The following JADE3 variants were observed in gnomAD, a reference collection of about 807,000 sequenced individuals.
The protein encoded by JADE3 is jade family PHD finger 3.
In JADE3, 2 loss-of-function variants were observed where a neutral mutation model predicts 50.1. That is an observed-to-expected ratio of 0.04 (90% CI 0.02 to 0.13). The LOEUF (loss-of-function observed/expected upper bound fraction) is 0.13. Among genes scored for constraint, JADE3 ranks in the 10% least tolerant of loss-of-function variants. The probability of loss-of-function intolerance (pLI) is 1.00; values close to 1 mark genes in which losing one functional copy is unlikely to be tolerated. For missense variants in JADE3, 475 were observed against 634.4 expected (o/e 0.75, Z 2.70); for synonymous variants, 218 against 232.9 (o/e 0.94, Z 0.58).
Position 47,038,023 on chromosome X carries a change from A to C in JADE3, c.856-926A>C, listed in dbSNP as rs185798964. ...TCAGTTGTTTTTATTTTTAGATCCCACAAATAAATGAGAACATGCAATGTG... is the reference window on the plus strand; with the variant it reads ...TCAGTTGTTTTTATTTTTAGATCCCCCAAATAAATGAGAACATGCAATGTG... On this transcript the variant is annotated intron_variant, in intron 7 of 10. Transcript: ENST00000614628. Among the ~76,000 whole-genome samples, 803 of 111,054 alleles carry C rather than the reference A, an allele frequency of 7.2e-3. 9 individuals carry two copies. Among genetic ancestry groups the C allele is most frequent in the Middle Eastern group, 0.014 (3 of 217 alleles).
intron 1 of JADE3, among the ~76,000 whole-genome samples, chrX:46,933,407 A>G: frequency 8.9e-6 from 1 of 112,739 alleles, no homozygotes; most frequent in Non-Finnish European, 1.9e-5. Flanking sequence ...AGACCACTGA[A>G]TATTAAACAC....
At chrX:46,941,177 G>A (rs1456678771) in intron 1 of JADE3, among the ~76,000 whole-genome samples, 1 of 110,452 alleles carries the variant, frequency 9.1e-6, no homozygotes, top group Non-Finnish European at 1.9e-5. Flanking sequence ...TGCGGTATTT[G>A]GTTTTCTGTA....
intron 1 of JADE3, among the ~76,000 whole-genome samples, chrX:46,960,411 T>C (rs1297072604): frequency 8.9e-6 from 1 of 112,066 alleles, no homozygotes; most frequent in Non-Finnish European, 1.9e-5. Context: ...ATATGGTTTA[T>C]GCTGAATACC....
intron 1 of JADE3, among the ~76,000 whole-genome samples, chrX:46,927,686 C>T (rs1926400193): frequency 8.9e-6 from 1 of 112,314 alleles, no homozygotes; most frequent in African/African-American, 3.2e-5. Flanking sequence ...TGGGAGCCAC[C>T]ACCTGGCTTA....
chrX:47,037,807 A>G (rs946487051), intron 7 of JADE3, among the ~76,000 whole-genome samples: 14 of 111,651 alleles, frequency 1.3e-4, no homozygotes, highest in African/African-American at 4.6e-4. Flanking sequence ...TCTTGTAGTT[A>G]TTTTTATATG....
At chrX:46,928,994 A>C (rs782795623) in intron 1 of JADE3, among the ~76,000 whole-genome samples, 2 of 112,123 alleles carry the variant, frequency 1.8e-5, no homozygotes, top group African/African-American at 6.5e-5. Context: ...GCAGATTGTC[A>C]AAACTGCTGC....
chrX:46,996,271 G>A (rs1928127818), intron 3 of JADE3, among the ~76,000 whole-genome samples: 1 of 111,928 alleles, frequency 8.9e-6, no homozygotes, highest in Non-Finnish European at 1.9e-5. Context: ...TCCTGACCTC[G>A]TGATCCACCC....
chrX:46,980,150 G>C (rs1438457030), intron 1 of JADE3, among the ~76,000 whole-genome samples: 2 of 110,392 alleles, frequency 1.8e-5, no homozygotes, highest in African/African-American at 6.6e-5. Flanking sequence ...AAAGTGCTGG[G>C]ATTACAGGTG....
intron 7 of JADE3, among the ~76,000 whole-genome samples, chrX:47,035,246 G>C (rs1283506336): frequency 9.0e-6 from 1 of 111,287 alleles, no homozygotes; most frequent in Non-Finnish European, 1.9e-5. Flanking sequence ...CATTATATCA[G>C]TAACTCATTC....
chrX:46,939,053 C>T (rs1556341765), intron 1 of JADE3, among the ~76,000 whole-genome samples: 1 of 112,172 alleles, frequency 8.9e-6, no homozygotes, highest in African/African-American at 3.2e-5. Flanking sequence ...TCTCAAACTC[C>T]TGACCTCAAG....
chrX:47,036,402 G>T (rs1351982930), intron 7 of JADE3, among the ~76,000 whole-genome samples: 4 of 109,433 alleles, frequency 3.7e-5, no homozygotes, highest in African/African-American at 1.0e-4. Context: ...TCAAAACCAC[G>T]ATGAGATACC....
intron 3 of JADE3, among the ~76,000 whole-genome samples, chrX:46,986,306 T>G (rs1245388996): frequency 4.4e-5 from 5 of 112,724 alleles, no homozygotes; most frequent in Middle Eastern, 4.6e-3. Context: ...TCTGAAGATG[T>G]GAAGAATAAA....
intron 7 of JADE3, among the ~76,000 whole-genome samples, chrX:47,038,240 A>G: frequency 8.9e-6 from 1 of 111,808 alleles, no homozygotes; most frequent in South Asian, 3.7e-4. Context: ...TATCGTGAAC[A>G]TTGCTGCAAA....
At chrX:46,916,548 T>G (rs1926089537) in intron 1 of JADE3, among the ~76,000 whole-genome samples, 1 of 111,942 alleles carries the variant, frequency 8.9e-6, no homozygotes, top group Non-Finnish European at 1.9e-5. Flanking sequence ...CATTATCGAT[T>G]GTAAAAGTGG....
At chrX:46,954,675 C>T (rs1233172497) in intron 1 of JADE3, among the ~76,000 whole-genome samples, 1 of 111,502 alleles carries the variant, frequency 9.0e-6, no homozygotes, top group African/African-American at 3.3e-5. Flanking sequence ...CTACCTCAGC[C>T]TCCTGAGTAG....
chrX:46,917,822 AC>A, intron 1 of JADE3, among the ~76,000 whole-genome samples: 1 of 22,291 alleles, frequency 4.5e-5, no homozygotes, highest in South Asian at 4.0e-3. Context: ...TCTCTCTCTC[AC>A]TCTCTCTCAT....
chrX:46,998,682 A>ATTTG (rs781855188), intron 4 of JADE3, among the ~76,000 whole-genome samples: 81 of 109,624 alleles, frequency 7.4e-4, no homozygotes, highest in African/African-American at 2.1e-3. Flanking sequence ...TTATTTATTT[A>ATTTG]TTTGTTTGTT....
chrX:47,039,404 T>A (rs954857473), intron 8 of JADE3, among the ~76,000 whole-genome samples: 6 of 109,063 alleles, frequency 5.5e-5, no homozygotes, highest in Non-Finnish European at 1.1e-4. Flanking sequence ...TTTTTTTTTT[T>A]AATTTCAACT....
chrX:46,917,834 C>CCTCTCT lies in JADE3; in HGVS notation c.-12+5131_-12+5136dup, dbSNP rs572734511. On this transcript the variant is annotated intron_variant, in intron 1 of 10. Coordinates refer to ENST00000614628, the MANE Select transcript of JADE3 (RefSeq NM_014735.5). ...CTCTCTCTCTCTCACTCTCTCTCAT[C>CCTCTCT]CTCTCTCTCTCTCTCTCTCTCATCC... is the stretch of plus-strand genomic sequence containing the variant. Among the ~76,000 whole-genome samples, 38 of 42,553 alleles carry CCTCTCT rather than the reference C, an allele frequency of 8.9e-4. 3 individuals carry two copies. The highest frequency in any genetic ancestry group is 5.5e-3 in the East Asian group (8 of 1,463). The allele number at this position is 42,553 out of a possible 115,157, so 37.0% of individuals were successfully genotyped here. A position where few individuals can be genotyped will look rare whatever the true frequency, so the allele number is the denominator to read the frequency against.
Sources: allele counts gnomAD v4.1 joint callset (sites outside exome capture counted in the v4.1 genomes callset), GRCh38; gene constraint gnomAD v4.1.1; transcripts MANE v1.5; gene names NCBI Gene and HGNC (gene_info 2026-07-23, HGNC 2026-07-21).